CADPS2: variants seen among roughly 807,000 people sequenced by gnomAD.
CADPS2 encodes calcium dependent secretion activator 2, also known as calcium-dependent secretion activator 2.
In CADPS2, 93 loss-of-function variants were observed where a neutral mutation model predicts 172.5. That is an observed-to-expected ratio of 0.54 (90% confidence interval 0.46 to 0.64). The LOEUF (loss-of-function observed/expected upper bound fraction) is 0.64. Among genes scored for constraint, CADPS2 ranks in the 30% least tolerant of loss-of-function variants. CADPS2 has a pLI of 0.00. For missense variants in CADPS2, 1,420 were observed against 1,565.9 expected, an observed-to-expected ratio of 0.91 and a Z score of 1.57; for synonymous variants, 546 against 555.2, an observed-to-expected ratio of 0.98 and a Z score of 0.23.
chr7:122,646,890 T>C (rs970920160), intron 3 of CADPS2, among the ~76,000 whole-genome samples: 1 of 151,988 alleles, frequency 6.6e-6, no homozygotes, highest in East Asian at 1.9e-4. Flanking sequence ...GCAATTGCTA[T>C]GAAATAAGAC....
At chr7:122,541,659 A>C (rs1179075406) in intron 8 of CADPS2, among the ~76,000 whole-genome samples, 2 of 144,978 alleles carry the variant, frequency 1.4e-5, no homozygotes, top group African/African-American at 5.0e-5. Flanking sequence ...TCATATCTTT[A>C]TATATTCATA....
chr7:122,345,593 T>C lies in CADPS2; in HGVS notation c.3593A>G (p.Tyr1198Cys). ...ACTTACATCAAATAACTTTTCTATATACATTTCCTCATTGACCTTTTCTCG... is the reference window on the plus strand; with the variant it reads ...ACTTACATCAAATAACTTTTCTATACACATTTCCTCATTGACCTTTTCTCG... ...ILREKVNEEMYIEKLFDQWYS... is the reference protein window; with the variant it reads ...ILREKVNEEMCIEKLFDQWYS... Residue 1198 changes from tyrosine (Y) to cysteine (C), a missense_variant, in exon 28 of 30, where the codon TAT becomes TGT. By Grantham distance (194) the Tyr-to-Cys change is radical. Coordinates refer to ENST00000449022, the MANE Select transcript of CADPS2 (RefSeq NM_017954.11). 6.2e-7 allele frequency: 1 copy of C among 1,608,200 alleles called. No individual in the cohort carries two copies. The highest frequency in any genetic ancestry group is 1.1e-5 in the South Asian group (1 of 90,868).
chr7:122,869,516 T>G (rs1408381059), intron 1 of CADPS2, among the ~76,000 whole-genome samples: 1 of 151,954 alleles, frequency 6.6e-6, no homozygotes, highest in Non-Finnish European at 1.5e-5. Context: ...AGATAAAACT[T>G]TCTCAGACAC....
intron 14 of CADPS2, among the ~76,000 whole-genome samples, chr7:122,458,293 C>G (rs559940024): frequency 6.6e-6 from 1 of 151,964 alleles, no homozygotes; most frequent in Non-Finnish European, 1.5e-5. Context: ...TGTCACAGCA[C>G]GAGAATAAGA....
At chr7:122,632,100 C>G (rs1222392254) in intron 3 of CADPS2, among the ~76,000 whole-genome samples, 3 of 151,936 alleles carry the variant, frequency 2.0e-5, no homozygotes, top group Non-Finnish European at 4.4e-5. Flanking sequence ...TTATCCAACC[C>G]ACCATTAATG....
chr7:122,768,832 G>C (rs1262685004), intron 1 of CADPS2, among the ~76,000 whole-genome samples: 1 of 151,970 alleles, frequency 6.6e-6, no homozygotes, highest in Admixed American at 6.5e-5. Flanking sequence ...GAGCATGGAA[G>C]ATATATTTTA....
chr7:122,778,936 G>A (rs1331360326), intron 1 of CADPS2, among the ~76,000 whole-genome samples: 1 of 152,094 alleles, frequency 6.6e-6, no homozygotes. Flanking sequence ...GTCATGGGAG[G>A]GACCTGGTAG....
intron 2 of CADPS2, among the ~76,000 whole-genome samples, chr7:122,735,865 C>T (rs1320206223): frequency 1.3e-5 from 2 of 152,110 alleles, no homozygotes; most frequent in Non-Finnish European, 2.9e-5. Flanking sequence ...ACAGTTAATA[C>T]TGTAAGATTC....
intron 1 of CADPS2, among the ~76,000 whole-genome samples, chr7:122,756,189 C>T (rs938629839): frequency 1.2e-4 from 18 of 152,100 alleles, no homozygotes; most frequent in African/African-American, 4.3e-4. Context: ...GGCAGTGGAA[C>T]ACCACAATGA....
intron 14 of CADPS2, 134 bp downstream of exon 14, chr7:122,471,241 G>A (rs535002118): frequency 3.3e-5 from 16 of 489,526 alleles, no homozygotes; most frequent in South Asian, 8.7e-5. Flanking sequence ...TTTCTCTGTC[G>A]TTTTTTTTTT....
At chr7:122,372,956 T>C (rs551425663) in intron 25 of CADPS2, among the ~76,000 whole-genome samples, 19 of 152,292 alleles carry the variant, frequency 1.2e-4, no homozygotes, top group Admixed American at 6.5e-4. Context: ...TTCCTATCAG[T>C]GACTGAGGAT....
chr7:122,859,043 T>C (rs902798622), intron 1 of CADPS2, among the ~76,000 whole-genome samples: 1 of 152,210 alleles, frequency 6.6e-6, no homozygotes, highest in African/African-American at 2.4e-5. Flanking sequence ...AAGTTTCTAA[T>C]AGAATTCAGG....
chr7:122,615,128 G>C (rs2074753997), intron 6 of CADPS2, 53 bp downstream of exon 6: 1 of 1,058,570 alleles, frequency 9.4e-7, no homozygotes, highest in Non-Finnish European at 1.4e-6. Flanking sequence ...GTTTCTTTGG[G>C]AGGATTAAAA....
At chr7:122,631,694 CT>C (rs61656656) in intron 3 of CADPS2, among the ~76,000 whole-genome samples, 1 of 149,698 alleles carries the variant, frequency 6.7e-6, no homozygotes, top group South Asian at 2.1e-4. Context: ...ATTGTCTTTT[CT>C]TTTTTTTTTA....
At position 122,736,981 on chromosome 7, in the gene CADPS2, A is replaced by T. The variant is rs375896798; in HGVS notation, c.427T>A (p.Cys143Ser). ...TCATAATAACTCCGAACTGCGTTGC[A>T]AAATGCTTCGTCAGCTACAATTTGG... ...ETQIVADEAFCNAVRSYYEVF... is the reference protein window; with the variant it reads ...ETQIVADEAFSNAVRSYYEVF... The change falls in exon 2 of 30, where the codon TGC (cysteine) becomes AGC (serine). Residue 143 changes from cysteine (C) to serine (S), a missense_variant. Coordinates refer to ENST00000449022, the MANE Select transcript of CADPS2 (RefSeq NM_017954.11). 82 of 1,611,204 alleles carry T rather than the reference A, an allele frequency of 5.1e-5. No homozygotes were observed. The highest frequency in any genetic ancestry group is 6.5e-5 in the Non-Finnish European group (76 of 1,177,654).
At chr7:122,569,537 A>C (rs1366031261) in intron 7 of CADPS2, among the ~76,000 whole-genome samples, 1 of 137,994 alleles carries the variant, frequency 7.2e-6, no homozygotes, top group East Asian at 2.2e-4. Flanking sequence ...ACTACTTTAA[A>C]GTTCATATGG....
chr7:122,791,356 G>A (rs990068848), intron 1 of CADPS2, among the ~76,000 whole-genome samples: 7 of 151,914 alleles, frequency 4.6e-5, no homozygotes, highest in African/African-American at 1.5e-4. Context: ...CTTAAACCTT[G>A]CTACTCTTTT....
intron 1 of CADPS2, among the ~76,000 whole-genome samples, chr7:122,832,292 C>CA (rs1188303687): frequency 3.4e-5 from 5 of 145,204 alleles, no homozygotes; most frequent in African/African-American, 1.3e-4. Flanking sequence ...TAGACAAATA[C>CA]AAAAAGTGTG....
At chr7:122,396,668 T>C (rs1488275828) in intron 20 of CADPS2, among the ~76,000 whole-genome samples, 1 of 152,214 alleles carries the variant, frequency 6.6e-6, no homozygotes, top group African/African-American at 2.4e-5. Context: ...ATACACCTGC[T>C]CCTCAAATCC....
Sources: gnomAD v4.1 joint callset for allele counts (sites outside exome capture counted in the v4.1 genomes callset) on GRCh38, gnomAD v4.1.1 for gene constraint, MANE v1.5 for transcripts, NCBI Gene and HGNC (gene_info 2026-07-23, HGNC 2026-07-21) for gene names.